The following STXBP6 variants were observed in gnomAD, a reference collection of about 807,000 sequenced individuals.
STXBP6 encodes the protein syntaxin binding protein 6.
In STXBP6, 21 loss-of-function variants were observed where a neutral mutation model predicts 26.9. That is an observed-to-expected ratio of 0.78 (90% confidence interval 0.55 to 1.12). The LOEUF (loss-of-function observed/expected upper bound fraction) is 1.12, where lower values mean the gene tolerates loss of function less well. STXBP6 is among the 50% of genes most tolerant of loss of function. The pLI is 0.00. For synonymous variants in STXBP6, 97 were observed against 92.6 expected (o/e 1.05, Z -0.27); for missense variants, 232 against 257.9 (o/e 0.90, Z 0.69).
chr14:24,908,076 C>T (rs1036591666), intron 2 of STXBP6, among the ~76,000 whole-genome samples: 2 of 152,174 alleles, frequency 1.3e-5, no homozygotes, highest in East Asian at 1.9e-4. Context: ...CATGGCCTAA[C>T]AGCATCAATG....
chr14:25,011,761 G>A (rs181061486), intron 1 of STXBP6, among the ~76,000 whole-genome samples: 1 of 152,140 alleles, frequency 6.6e-6, no homozygotes, highest in Non-Finnish European at 1.5e-5. Context: ...GCCAACTACA[G>A]GATGAAAAAA....
At chr14:24,837,774 AAC>A (rs1369167302) in intron 4 of STXBP6, among the ~76,000 whole-genome samples, 1 of 152,246 alleles carries the variant, frequency 6.6e-6, no homozygotes, top group East Asian at 1.9e-4. Context: ...ATACAGCTCT[AAC>A]ACGACAAGCT....
At chr14:24,853,680 A>G (rs988937417) in intron 4 of STXBP6, among the ~76,000 whole-genome samples, 4 of 152,122 alleles carry the variant, frequency 2.6e-5, no homozygotes, top group Admixed American at 2.0e-4. Flanking sequence ...TACACAGGGC[A>G]AAGGCAATTC....
intron 2 of STXBP6, among the ~76,000 whole-genome samples, chr14:24,921,471 T>G (rs2071975835): frequency 6.6e-6 from 1 of 152,172 alleles, no homozygotes; most frequent in Non-Finnish European, 1.5e-5. Context: ...TAATTCAACC[T>G]ATATAATATC....
At chr14:25,011,037 A>C (rs984330501) in intron 1 of STXBP6, among the ~76,000 whole-genome samples, 4 of 152,244 alleles carry the variant, frequency 2.6e-5, no homozygotes, top group Admixed American at 2.6e-4. Flanking sequence ...TCAGATATTG[A>C]GACCGTTTCA....
intron 2 of STXBP6, among the ~76,000 whole-genome samples, chr14:24,925,992 T>G (rs1009697647): frequency 2.6e-5 from 4 of 152,032 alleles, no homozygotes; most frequent in African/African-American, 7.2e-5. Flanking sequence ...TGTTCCTGAG[T>G]GCATTGGATG....
chr14:24,988,445 C>T (rs558375482), intron 1 of STXBP6, among the ~76,000 whole-genome samples: 1 of 152,306 alleles, frequency 6.6e-6, no homozygotes, highest in South Asian at 2.1e-4. Context: ...TTCACAGCAG[C>T]AGAAGGGGCA....
chr14:24,961,926 A>G (rs538580107), intron 2 of STXBP6, among the ~76,000 whole-genome samples: 1 of 152,336 alleles, frequency 6.6e-6, no homozygotes, highest in Admixed American at 6.5e-5. Flanking sequence ...AAAAACATAA[A>G]TATGTTTGGT....
rs376782906 is a variant in STXBP6 at position 25,021,351 on chromosome 14, A to G, written c.-33+28527T>C. Among the ~76,000 whole-genome samples, 47 of 152,188 alleles carry G rather than the reference A, an allele frequency of 3.1e-4. 1 individual carries two copies. Among genetic ancestry groups the G allele is most frequent in the African/African-American group, 1.1e-3 (46 of 41,520 alleles). Reference sequence around the variant, plus strand: ...TGCAATCAATTTCTCCCTTTCAACTAGATTCTTCCCATCATCACTTCAGCA... The same window carrying G: ...TGCAATCAATTTCTCCCTTTCAACTGGATTCTTCCCATCATCACTTCAGCA... On this transcript the variant is annotated intron_variant, in intron 1 of 5. Coordinates refer to ENST00000323944, the MANE Select transcript of STXBP6 (RefSeq NM_001394410.1).
intron 1 of STXBP6, among the ~76,000 whole-genome samples, chr14:25,040,921 C>T (rs1301391377): frequency 6.6e-6 from 1 of 152,202 alleles, no homozygotes; most frequent in South Asian, 2.1e-4. Flanking sequence ...AAAAAAGGAT[C>T]TGAAGTCTCA....
intron 2 of STXBP6, among the ~76,000 whole-genome samples, chr14:24,899,888 CT>C (rs2071151683): frequency 6.8e-6 from 1 of 147,238 alleles, no homozygotes; most frequent in Admixed American, 6.8e-5. Flanking sequence ...GAATGGTGCT[CT>C]TAGACACTAT....
At chr14:25,040,014 CT>C (rs1435931182) in intron 1 of STXBP6, among the ~76,000 whole-genome samples, 2 of 152,022 alleles carry the variant, frequency 1.3e-5, no homozygotes, top group Admixed American at 1.3e-4. Flanking sequence ...TAGCCAGAAT[CT>C]GTATCTCAAC....
At chr14:24,985,436 G>A (rs2074306728) in intron 1 of STXBP6, among the ~76,000 whole-genome samples, 1 of 152,120 alleles carries the variant, frequency 6.6e-6, no homozygotes, top group East Asian at 1.9e-4. Context: ...AATATGAAAG[G>A]CACATTTTCA....
chr14:24,990,881 G>A (rs983023853), intron 1 of STXBP6, among the ~76,000 whole-genome samples: 3 of 151,740 alleles, frequency 2.0e-5, no homozygotes, highest in Middle Eastern at 3.4e-3. Flanking sequence ...GAGAGGAAGA[G>A]GCAGAGAGGG....
chr14:24,919,433 C>T (rs548976334), intron 2 of STXBP6, among the ~76,000 whole-genome samples: 36 of 147,260 alleles, frequency 2.4e-4, no homozygotes, highest in Admixed American at 3.3e-4. Context: ...TAAATAAATG[C>T]GAAAAATAAA....
At chr14:24,857,000 T>C (rs1267280965) in intron 3 of STXBP6, 27 bp downstream of exon 3, 1 of 1,606,762 alleles carries the variant, frequency 6.2e-7, no homozygotes, top group Middle Eastern at 1.7e-4. Flanking sequence ...AAGAATGCCT[T>C]TGCTCAGCAT....
intron 4 of STXBP6, among the ~76,000 whole-genome samples, chr14:24,846,893 T>C (rs1199488990): frequency 6.6e-6 from 1 of 152,210 alleles, no homozygotes; most frequent in African/African-American, 2.4e-5. Context: ...GTTTATCATA[T>C]AATGTGAACA....
At chr14:25,030,393 C>A (rs536540153) in intron 1 of STXBP6, among the ~76,000 whole-genome samples, 1 of 152,324 alleles carries the variant, frequency 6.6e-6, no homozygotes, top group East Asian at 1.9e-4. Flanking sequence ...TCCCAGCACC[C>A]TTTATTCTAC....
At chr14:24,952,511 C>G (rs2073203225) in intron 2 of STXBP6, among the ~76,000 whole-genome samples, 3 of 152,164 alleles carry the variant, frequency 2.0e-5, no homozygotes, top group Non-Finnish European at 2.9e-5. Flanking sequence ...CTGAGTTTTT[C>G]TAGATAAAAC....
Sources: allele counts gnomAD v4.1 joint callset (sites outside exome capture counted in the v4.1 genomes callset), GRCh38; gene constraint gnomAD v4.1.1; transcripts MANE v1.5; gene names NCBI Gene and HGNC (gene_info 2026-07-23, HGNC 2026-07-21).